Variants in PRDM7 observed in about 807,000 individuals in gnomAD.
The protein encoded by PRDM7 is PR/SET domain 7.
Under a neutral mutation model 64.3 loss-of-function variants are expected in PRDM7, and 52 were observed. That is an observed-to-expected ratio of 0.81 (90% CI 0.65 to 1.02). The LOEUF (loss-of-function observed/expected upper bound fraction) is 1.02. Ranked by LOEUF, PRDM7 falls within the 50% of genes least tolerant of loss-of-function variation. PRDM7 has a pLI of 0.00. For missense variants in PRDM7, 574 were observed against 597.1 expected (o/e 0.96, Z 0.40); for synonymous variants, 192 against 210.1 (o/e 0.91, Z 0.74).
At position 90,058,114 on chromosome 16, in the gene PRDM7, G is replaced by C. The variant is rs772908128; in HGVS notation, c.*175C>G. 11 of 1,613,956 alleles carry C rather than the reference G, an allele frequency of 6.8e-6. No individual in the cohort carries two copies. The highest frequency in any genetic ancestry group is 9.3e-6 in the Non-Finnish European group (11 of 1,179,926). ...CCCACACTCTCCATATTTGACTTTC[G>C]CAATTCTTGAGATTCCTACCCCCAC... is the stretch of plus-strand genomic sequence containing the variant. On this transcript the variant is annotated 3_prime_UTR_variant, in exon 11 of 11. Coordinates refer to ENST00000449207, the MANE Select transcript of PRDM7 (RefSeq NM_001098173.2).
chr16:90,070,692 G>A (rs1342560095), intron 4 of PRDM7, among the ~76,000 whole-genome samples: 7 of 143,924 alleles, frequency 4.9e-5, no homozygotes, highest in Middle Eastern at 3.5e-3. Context: ...CAGTGAGCTG[G>A]AGGCTGACTA....
intron 1 of PRDM7, among the ~76,000 whole-genome samples, 166 bp downstream of exon 1, chr16:90,077,060 C>T (rs1355394419): frequency 6.6e-6 from 1 of 151,810 alleles, no homozygotes; most frequent in African/African-American, 2.4e-5. Context: ...GATTTGGGGT[C>T]TCTGAAGCTG....
At chr16:90,072,178 C>CATTTTGGTATA (rs2037968313) in intron 4 of PRDM7, among the ~76,000 whole-genome samples, 1 of 151,480 alleles carries the variant, frequency 6.6e-6, no homozygotes, top group African/African-American at 2.4e-5. Flanking sequence ...TTGCAGTGAG[C>CATTTTGGTATA]CGAGATTGCG....
At position 90,062,519 on chromosome 16, in the gene PRDM7, T is replaced by G. The variant is rs752351649; in HGVS notation, c.509-17A>C. Reference sequence around the variant, plus strand: ...TCCTGAGTTCTAGGTTGGAGAAGAGTAGATGGGTAAAATTGGGAGTCTGGG... The same window carrying G: ...TCCTGAGTTCTAGGTTGGAGAAGAGGAGATGGGTAAAATTGGGAGTCTGGG... On this transcript the variant is annotated splice_polypyrimidine_tract_variant and intron_variant, in intron 6 of 10. Transcript: ENST00000449207. 4 of 1,591,470 alleles carry G rather than the reference T, an allele frequency of 2.5e-6. No homozygotes were observed. The African/African-American group carries it at 5.4e-5, about 21-fold the overall frequency.
At chr16:90,065,982 G>A (rs2037867388) in intron 5 of PRDM7, among the ~76,000 whole-genome samples, 1 of 151,200 alleles carries the variant, frequency 6.6e-6, no homozygotes, top group Admixed American at 6.6e-5. Flanking sequence ...AGCTCACAAT[G>A]AAGAGGCAGC....
chr16:90,066,992 T>C, intron 4 of PRDM7, 82 bp from the exon 5 acceptor site: 2 of 1,201,184 alleles, frequency 1.7e-6, no homozygotes, highest in Non-Finnish European at 2.4e-6. Context: ...TGATATGGAG[T>C]CTCCCTCTGT....
intron 4 of PRDM7, chr16:90,070,198 G>A (rs1567879333): frequency 6.6e-6 from 1 of 151,788 alleles, no homozygotes; most frequent in Non-Finnish European, 1.5e-5. Context: ...TTCATATGCT[G>A]AAGCACATTT....
chr16:90,061,633 G>C, intron 8 of PRDM7, 114 bp from the exon 9 acceptor site: 3 of 1,288,446 alleles, frequency 2.3e-6, no homozygotes, highest in Non-Finnish European at 3.4e-6. Context: ...TGCCAACTGA[G>C]ACCACATGGC....
At chr16:90,076,088 G>A (rs2038032829) in intron 1 of PRDM7, 93 bp from the exon 2 acceptor site, 1 of 724,320 alleles carries the variant, frequency 1.4e-6, no homozygotes, top group Non-Finnish European at 2.3e-6. Flanking sequence ...GGTGTTCAGA[G>A]CAGGAAGACT....
At chr16:90,066,941 T>C (rs1206944098) in intron 4 of PRDM7, 31 bp from the exon 5 acceptor site, 1 of 1,549,536 alleles carries the variant, frequency 6.5e-7, no homozygotes, top group Admixed American at 1.7e-5. Context: ...AGTGGTTTGG[T>C]TGGTAAATGT....
chr16:90,067,589 CTTT>C (rs1220091658), intron 4 of PRDM7, among the ~76,000 whole-genome samples: 6 of 126,516 alleles, frequency 4.7e-5, no homozygotes, highest in Admixed American at 8.7e-5. Context: ...AAGAAAAGCC[CTTT>C]TTTTTTTTTT....
At chr16:90,063,208 G>T (rs2037811826) in intron 6 of PRDM7, among the ~76,000 whole-genome samples, 1 of 152,194 alleles carries the variant, frequency 6.6e-6, no homozygotes. Context: ...CATTTTGGGA[G>T]GCTGAGCTGA....
At chr16:90,077,181 G>T (rs1315997236) in intron 1 of PRDM7, 45 bp downstream of exon 1, 1 of 152,220 alleles carries the variant, frequency 6.6e-6, no homozygotes, top group Admixed American at 6.6e-5. Context: ...AGGGGATCTG[G>T]GGTCTCCTAG....
At chr16:90,061,036 T>A (rs1328515918) in intron 9 of PRDM7, among the ~76,000 whole-genome samples, 1 of 152,188 alleles carries the variant, frequency 6.6e-6, no homozygotes, top group South Asian at 2.1e-4. Flanking sequence ...AGAACAGTAA[T>A]AGTTGATTCA....
rs1567876662 is a variant in PRDM7, at chr16:90,063,759, T to G, written c.361A>C (p.Lys121Gln). 2 of 1,614,194 alleles carry G rather than the reference T, an allele frequency of 1.2e-6. No homozygotes were observed. The highest frequency in any genetic ancestry group is 1.1e-5 in the South Asian group (1 of 91,078). The part of the protein sequence containing the change: ...EQSKHQKGMP[K>Q]ASFNNESSLR... Reference sequence around the variant, plus strand: ...CTAGATTCATTATTGAATGACGCCTTGGGCATTCCCTTTAATGTGAGAATC... The same window carrying G: ...CTAGATTCATTATTGAATGACGCCTGGGGCATTCCCTTTAATGTGAGAATC... Residue 121 changes from lysine (K) to glutamine (Q), a missense_variant, in exon 6 of 11, where the codon AAG (lysine) becomes CAG (glutamine). By Grantham distance (53) the Lys-to-Gln change is moderately conservative (BLOSUM62 1). Transcript: ENST00000449207.
At chr16:90,073,143 A>G (rs902382768) in intron 4 of PRDM7, among the ~76,000 whole-genome samples, 6 of 152,174 alleles carry the variant, frequency 3.9e-5, no homozygotes, top group Non-Finnish European at 8.8e-5. Context: ...GCTCTCTCAA[A>G]CCCGCTCCAG....
chr16:90,068,621 C>A (rs1277833294), intron 4 of PRDM7, among the ~76,000 whole-genome samples: 2 of 144,658 alleles, frequency 1.4e-5, no homozygotes, highest in Non-Finnish European at 3.0e-5. Flanking sequence ...GATGACAGAG[C>A]GAGACTCCGT....
At chr16:90,058,805 T>C (rs2037721807) in intron 10 of PRDM7, among the ~76,000 whole-genome samples, 1 of 152,154 alleles carries the variant, frequency 6.6e-6, no homozygotes, top group African/African-American at 2.4e-5. Flanking sequence ...GGCAGCATCA[T>C]TCCTTACATA....
chr16:90,066,880 TCTC>T lies in PRDM7; in HGVS notation c.329_331del (p.Gly110del). On this transcript the variant is annotated inframe_deletion, in exon 5 of 11. Transcript: ENST00000449207. The stretch of plus-strand genomic sequence containing the variant: ...ACTTACCTTCTGGTGTTTACTCTGT[TCTC>T]CTCTGAAGGCCATCCAAGGAGGTTT... The T allele has an allele frequency of 1.3e-6, 2 of 1,599,334 alleles. No homozygotes were observed. The highest frequency in any genetic ancestry group is 1.1e-5 in the South Asian group (1 of 90,898).
Sources: allele counts gnomAD v4.1 joint callset (sites outside exome capture counted in the v4.1 genomes callset), GRCh38; gene constraint gnomAD v4.1.1; transcripts MANE v1.5; gene names NCBI Gene and HGNC (gene_info 2026-07-23, HGNC 2026-07-21).